Variants in EIF2AK1 observed in about 807,000 individuals in gnomAD.
EIF2AK1 encodes the protein eukaryotic translation initiation factor 2 alpha kinase 1, also known as eukaryotic translation initiation factor 2-alpha kinase 1.
EIF2AK1 carries 54 observed loss-of-function variants against 77.9 expected under a neutral mutation model. That is an observed-to-expected ratio of 0.69 (90% confidence interval 0.56 to 0.87). The LOEUF is 0.87. Ranked by LOEUF, EIF2AK1 falls within the 40% of genes least tolerant of loss-of-function variation. EIF2AK1 has a pLI of 0.00. For missense variants in EIF2AK1, 810 were observed against 768.6 expected (o/e 1.05, Z -0.64); for synonymous variants, 314 against 290.5 (o/e 1.08, Z -0.82).
chr7:6,044,439 A>AAAAAAAAT, intron 7 of EIF2AK1, 123 bp downstream of exon 7: 1 of 779,804 alleles, frequency 1.3e-6, no homozygotes, highest in Non-Finnish European at 2.0e-6. Context: ...CTCCGTCTCA[A>AAAAAAAAT]AAAAAAATAT....
rs778845195 is a variant in EIF2AK1 at position 6,044,580 on chromosome 7, G to A, written c.712C>T (p.His238Tyr). 1.1e-5 allele frequency: 18 copies of A among 1,613,742 alleles called. No individual in the cohort carries two copies. The Admixed American group carries it at 2.0e-4, about 18-fold the overall frequency. Residue 238 changes from histidine to tyrosine, a missense_variant, in exon 7 of 15, where the codon CAT becomes TAT. By Grantham distance (83) the His-to-Tyr change is moderately conservative (BLOSUM62 2). Around this residue, in one of 3 missense-constraint regions of EIF2AK1, gnomAD observed 549 missense variants for 533.7 expected, o/e 1.03. Transcript: ENST00000199389. ...GGCTTACCTCGTGGCTGAATCACAT[G>A]AACATGTTCTATCCACGCGGTGTGA... Reference protein sequence around the residue: ...GYHTAWIEHVHVIQPRADRAA... With the variant: ...GYHTAWIEHVYVIQPRADRAA...
chr7:6,035,421 C>A lies in EIF2AK1; in HGVS notation c.1332+2003G>T. 6.5e-7 allele frequency: 1 copy of A among 1,536,878 alleles called. No homozygotes were observed. The highest frequency in any genetic ancestry group is 8.8e-7 in the Non-Finnish European group (1 of 1,136,626). On this transcript the variant is annotated intron_variant, in intron 11 of 14. Transcript: ENST00000199389. This position sits in a 1 kb window ranked among gnomAD's most constrained non-coding sequence, Gnocchi z 5.5. Reference sequence around the variant, plus strand: ...CGTTCCCACTGTGAATTCAGTGTAACGTGTAATCAATACCCATTCTAGGGA... The same window carrying A: ...CGTTCCCACTGTGAATTCAGTGTAAAGTGTAATCAATACCCATTCTAGGGA...
rs1257101048 is a variant in EIF2AK1 at position 6,023,663 on chromosome 7, T to C, written c.*1010A>G. 1.2e-6 allele frequency: 2 copies of C among 1,614,006 alleles called. No homozygotes were observed. The highest frequency in any genetic ancestry group is 2.7e-5 in the African/African-American group (2 of 74,902). On this transcript the variant is annotated 3_prime_UTR_variant, in exon 15 of 15. Coordinates refer to ENST00000199389, the MANE Select transcript of EIF2AK1 (RefSeq NM_014413.4). ...AGGTCTTGTGAAAACCTGGCTCCTT[T>C]TAACACGGCCCTCAAGCTCCTTAAG...
rs745952030 is a variant in EIF2AK1 at position 6,050,027 on chromosome 7, A to G, written c.296T>C (p.Ile99Thr). 2 of 1,608,680 alleles carry G rather than the reference A, an allele frequency of 1.2e-6. No individual in the cohort carries two copies. The highest frequency in any genetic ancestry group is 2.7e-5 in the African/African-American group (2 of 74,702). ...QVFKLLCQTF[I>T]KMGLLSSFTC... ...GAAAGAAGACAGCAGCCCCATTTTG[A>G]TAAACGTCTGGCAAAGTACTATAAA... The change falls in exon 3 of 15, where the codon ATC (isoleucine) becomes ACC (threonine). Residue 99 changes from isoleucine (I) to threonine (T), a missense_variant. Around this residue, in one of 3 missense-constraint regions of EIF2AK1, gnomAD observed 246 missense variants for 199.0 expected, o/e 1.24. Transcript: ENST00000199389.
At chr7:6,052,498 T>G (rs1204315811) in intron 2 of EIF2AK1, among the ~76,000 whole-genome samples, 2 of 150,102 alleles carry the variant, frequency 1.3e-5, no homozygotes, top group Non-Finnish European at 2.9e-5. Context: ...CCATCAAGTT[T>G]ATCAAAATGA....
chr7:6,034,032 T>C (rs1018053405), intron 11 of EIF2AK1, among the ~76,000 whole-genome samples: 1 of 149,518 alleles, frequency 6.7e-6, no homozygotes, highest in African/African-American at 2.5e-5. Context: ...AATTAAGTAG[T>C]ATAGGCCGGG....
chr7:6,031,697 T>G (rs2128886247), intron 11 of EIF2AK1: 30 of 1,079,660 alleles, frequency 2.8e-5, no homozygotes, highest in Non-Finnish European at 3.4e-5. Context: ...CTTATGAGAA[T>G]GAGACACGAC....
intron 7 of EIF2AK1, among the ~76,000 whole-genome samples, chr7:6,043,639 G>A (rs1417811649): frequency 2.0e-5 from 3 of 151,434 alleles, no homozygotes; most frequent in African/African-American, 7.3e-5. Context: ...ATATTGGCCA[G>A]GCTGGTCTCG....
At chr7:6,054,891 G>C (rs1272562735) in intron 1 of EIF2AK1, among the ~76,000 whole-genome samples, 187 bp from the exon 2 acceptor site, 1 of 152,086 alleles carries the variant, frequency 6.6e-6, no homozygotes, top group African/African-American at 2.4e-5. Context: ...GCTGAATCCT[G>C]GAAGCTGGAG....
Position 6,047,217 on chromosome 7 carries a change from A to C in EIF2AK1, c.450-126T>G, listed in dbSNP as rs1239157616. On this transcript the variant is annotated intron_variant, in intron 4 of 14. Coordinates refer to ENST00000199389, the MANE Select transcript of EIF2AK1 (RefSeq NM_014413.4). ...TATCACTAAGCTGTGCTGATTTGGAAAGGATGGGCTAAAATGAAATTTTTC... is the reference window on the plus strand; with the variant it reads ...TATCACTAAGCTGTGCTGATTTGGACAGGATGGGCTAAAATGAAATTTTTC... 3 of 1,007,062 alleles carry C rather than the reference A, an allele frequency of 3.0e-6. No individual in the cohort carries two copies. In the African/African-American group the frequency reaches 4.8e-5, roughly 16 times the overall value. 62.4% of individuals were successfully genotyped at this position (1,007,062 alleles called of 1,614,324 possible). A position where few individuals can be genotyped will look rare whatever the true frequency, so the allele number is the denominator to read the frequency against.
At chr7:6,053,264 CAT>C (rs1428489021) in intron 2 of EIF2AK1, among the ~76,000 whole-genome samples, 2 of 152,154 alleles carry the variant, frequency 1.3e-5, no homozygotes, top group East Asian at 1.9e-4. Context: ...TTGATACAGA[CAT>C]GTGATGTGTA....
At chr7:6,026,431 C>G (rs1439696352) in intron 14 of EIF2AK1, 2 of 577,778 alleles carry the variant, frequency 3.5e-6, no homozygotes, top group South Asian at 3.1e-5. Context: ...AGGAAGTTTC[C>G]TACCGGCCTT....
Position 6,024,704 on chromosome 7 carries a change from C to T in EIF2AK1, c.1862G>A (p.Arg621Lys), listed in dbSNP as rs1787688296. ...CACGCCCCCATCCTTTCCGTCATCC[C>T]TCACCCCTTTGTCTTGAGAAAGGAG... is the stretch of plus-strand genomic sequence containing the variant. ...LNLLSQDKGVRDDGKDGGVG is the reference protein window; with the variant it reads ...LNLLSQDKGVKDDGKDGGVG The change falls in exon 15 of 15, where the codon AGG (arginine) becomes AAG (lysine). Residue 621 changes from arginine to lysine, a missense_variant. By Grantham distance (26) the Arg-to-Lys change is conservative (BLOSUM62 2). This residue lies in a region of EIF2AK1 where 549 missense variants were observed against 533.7 expected (regional missense o/e 1.03). Coordinates refer to ENST00000199389, the MANE Select transcript of EIF2AK1 (RefSeq NM_014413.4). 1 of 1,612,400 alleles carries T rather than the reference C, an allele frequency of 6.2e-7. No individual in the cohort carries two copies. The highest frequency in any genetic ancestry group is 1.7e-5 in the Admixed American group (1 of 59,524).
At position 6,032,911 on chromosome 7, in the gene EIF2AK1, C is replaced by A; in HGVS notation, c.1333-3879G>T. The A allele has an allele frequency of 1.3e-6, 2 of 1,550,824 alleles. No individual in the cohort carries two copies. Among genetic ancestry groups the A allele is most frequent in the South Asian group, 1.2e-5 (1 of 84,050 alleles). On this transcript the variant is annotated intron_variant, in intron 11 of 14. Coordinates refer to ENST00000199389, the MANE Select transcript of EIF2AK1 (RefSeq NM_014413.4). The surrounding 1 kb of genome is among the most constrained non-coding windows in gnomAD (Gnocchi z 4.3). ...GGCCCAGAGTCTGCTCTGCCTGTTA[C>A]GGCACGGTGCTGACCCAGAAGTCAG... is the stretch of plus-strand genomic sequence containing the variant.
rs1787680065 is a variant in EIF2AK1 at position 6,024,458 on chromosome 7, T to G, written c.*215A>C. The G allele has an allele frequency of 7.1e-7, 1 of 1,399,464 alleles. No homozygotes were observed. Among genetic ancestry groups the G allele is most frequent in the Admixed American group, 3.2e-5 (1 of 31,170 alleles). 86.7% of individuals were successfully genotyped at this position (1,399,464 alleles called of 1,614,324 possible). On this transcript the variant is annotated 3_prime_UTR_variant, in exon 15 of 15. Transcript: ENST00000199389. ...GAGGATGAGGTCCAAGTTTTTAGTT[T>G]CAGAGACTAGGCATATGGTTAATAT...
chr7:6,048,997 T>G (rs1215157803), intron 3 of EIF2AK1, among the ~76,000 whole-genome samples, 153 bp from the exon 4 acceptor site: 3 of 152,138 alleles, frequency 2.0e-5, no homozygotes, highest in Admixed American at 2.0e-4. Flanking sequence ...AGTTTACAAC[T>G]GAAAATACTT....
chr7:6,038,742 A>C, intron 9 of EIF2AK1, 71 bp from the exon 10 acceptor site: 1 of 1,353,300 alleles, frequency 7.4e-7, no homozygotes, highest in Non-Finnish European at 1.0e-6. Context: ...GCCAACAAAT[A>C]TTAATCTGCC....
chr7:6,051,707 C>T (rs1291678014), intron 2 of EIF2AK1, among the ~76,000 whole-genome samples: 2 of 151,760 alleles, frequency 1.3e-5, no homozygotes, highest in African/African-American at 2.4e-5. Flanking sequence ...GGATTACAGG[C>T]GTGAGCCACC....
Position 6,024,542 on chromosome 7 carries a change from TG to T in EIF2AK1, c.*130del. The T allele has an allele frequency of 1.3e-6, 2 of 1,494,146 alleles. No individual in the cohort carries two copies. Among genetic ancestry groups the T allele is most frequent in the South Asian group, 1.4e-5 (1 of 72,724 alleles). The allele number at this position is 1,494,146 out of a possible 1,614,324, so 92.6% of individuals were successfully genotyped here. A position where few individuals can be genotyped will look rare whatever the true frequency, so the allele number is the denominator to read the frequency against. On this transcript the variant is annotated 3_prime_UTR_variant, in exon 15 of 15. Transcript: ENST00000199389. ...GGCAGGAAGGGAAGGAACGGCAGCT[TG>T]GGGCACTCTGACATCTTTAACAAGT...
Sources: gnomAD v4.1 joint callset for allele counts (sites outside exome capture counted in the v4.1 genomes callset) on GRCh38, gnomAD v4.1.1 for gene constraint, gnomAD v4.1.1 regional missense constraint, Gnocchi (gnomAD v3.1) non-coding constraint, MANE v1.5 for transcripts, NCBI Gene and HGNC (gene_info 2026-07-23, HGNC 2026-07-21) for gene names.